TMEM177: variants seen among roughly 807,000 people sequenced by gnomAD.
The protein encoded by TMEM177 is transmembrane protein 177.
TMEM177 carries 4 observed loss-of-function variants against 14.2 expected under a neutral mutation model. That is an observed-to-expected ratio of 0.28 (90% CI 0.14 to 0.64). The LOEUF (loss-of-function observed/expected upper bound fraction) is 0.64. TMEM177 is among the 30% of genes least tolerant of loss of function. The probability of loss-of-function intolerance (pLI) is 0.82; values close to 1 mark genes in which losing one functional copy is unlikely to be tolerated. For missense variants in TMEM177, 344 were observed against 405.2 expected, an observed-to-expected ratio of 0.85 and a Z score of 1.30; for synonymous variants, 179 against 174.5, an observed-to-expected ratio of 1.03 and a Z score of -0.20.
the TMEM177 span, among the ~76,000 whole-genome samples, chr2:119,696,365 C>T: frequency 7.1e-4 from 108 of 152,270 alleles, no homozygotes; most frequent in Non-Finnish European, 1.3e-3. Context: ...TCATTTGTCA[C>T]GGACCTCATG....
chr2:119,702,586 C>T, the TMEM177 span, among the ~76,000 whole-genome samples: 1 of 152,154 alleles, frequency 6.6e-6, no homozygotes, highest in African/African-American at 2.4e-5. Flanking sequence ...GTTACTACCA[C>T]TTTTTGATGG....
At chr2:119,708,552 T>G in the TMEM177 span, among the ~76,000 whole-genome samples, 2 of 152,108 alleles carry the variant, frequency 1.3e-5, no homozygotes, top group African/African-American at 4.8e-5. Context: ...CAAATCAAGA[T>G]TTAAACAAGG....
the TMEM177 span, among the ~76,000 whole-genome samples, chr2:119,701,794 A>T: frequency 6.6e-6 from 1 of 152,230 alleles, no homozygotes. Flanking sequence ...ATAATTTGGC[A>T]GATAGGAAGG....
At chr2:119,720,316 C>G in the TMEM177 span, among the ~76,000 whole-genome samples, 12 of 151,774 alleles carry the variant, frequency 7.9e-5, no homozygotes, top group South Asian at 8.3e-4. Flanking sequence ...CTCTTGTTAC[C>G]CAGGCTGGAG....
downstream of TMEM177, among the ~76,000 whole-genome samples, chr2:119,682,899 A>G (rs1688940135): frequency 6.6e-6 from 1 of 152,166 alleles, no homozygotes; most frequent in African/African-American, 2.4e-5. Flanking sequence ...GGGAGACTGC[A>G]GCCCTGCCCT....
chr2:119,722,759 G>A, the TMEM177 span, among the ~76,000 whole-genome samples: 1 of 152,228 alleles, frequency 6.6e-6, no homozygotes, highest in Admixed American at 6.5e-5. Flanking sequence ...CTGAGTTCCT[G>A]GGGGGTGAGT....
chr2:119,721,880 T>C, the TMEM177 span, among the ~76,000 whole-genome samples: 1 of 152,348 alleles, frequency 6.6e-6, no homozygotes, highest in Non-Finnish European at 1.5e-5. Flanking sequence ...TATGTCATCC[T>C]AGACCTAAGA....
chr2:119,708,644 G>GACACACACACACACACACACACAC, the TMEM177 span, among the ~76,000 whole-genome samples: 1 of 146,734 alleles, frequency 6.8e-6, no homozygotes, highest in African/African-American at 2.5e-5. Flanking sequence ...ATCACACGCA[G>GACACACACACACACACACACACAC]ACACACACAC....
the TMEM177 span, among the ~76,000 whole-genome samples, chr2:119,713,840 G>A: frequency 6.6e-6 from 1 of 152,150 alleles, no homozygotes; most frequent in Non-Finnish European, 1.5e-5. Context: ...TCTCCAAAAA[G>A]CAAAACAAAA....
At position 119,681,689 on chromosome 2, in the gene TMEM177, T is replaced by C. The variant is rs960690039; in HGVS notation, c.836T>C (p.Val279Ala). The change falls in exon 2 of 2, where the codon GTC (valine) becomes GCC (alanine). Residue 279 changes from valine (V) to alanine (A), a missense_variant. Val to Ala is a moderately conservative substitution (Grantham distance 64). Transcript: ENST00000272521. ...EKLYTPSGNI[V>A]PRHLFRIKHL... is the part of the protein sequence containing the mutation. ...CTGTATACACCCAGCGGGAACATCG[T>C]CCCCAGACACTTGTTCCGAATCAAA... 3 of 1,614,036 alleles carry C rather than the reference T, an allele frequency of 1.9e-6. No individual in the cohort carries two copies. The highest frequency in any genetic ancestry group is 2.5e-6 in the Non-Finnish European group (3 of 1,180,020).
At chr2:119,697,417 C>T in the TMEM177 span, among the ~76,000 whole-genome samples, 2 of 152,180 alleles carry the variant, frequency 1.3e-5, no homozygotes, top group South Asian at 2.1e-4. Flanking sequence ...AAAAATTACC[C>T]GGGCTTGGTG....
downstream of TMEM177, among the ~76,000 whole-genome samples, chr2:119,689,313 A>G (rs1340567272): frequency 6.6e-6 from 1 of 152,138 alleles, no homozygotes; most frequent in African/African-American, 2.4e-5. Flanking sequence ...GAGACTGACA[A>G]GTACACCTGC....
At chr2:119,700,938 C>G in the TMEM177 span, among the ~76,000 whole-genome samples, 1 of 152,210 alleles carries the variant, frequency 6.6e-6, no homozygotes, top group Non-Finnish European at 1.5e-5. Context: ...TGCTGGCAAC[C>G]GCGATCACAG....
the TMEM177 span, among the ~76,000 whole-genome samples, chr2:119,714,999 C>T: frequency 6.6e-6 from 1 of 152,214 alleles, no homozygotes; most frequent in East Asian, 1.9e-4. Flanking sequence ...CTACCTGCTA[C>T]AAGTGCTAGG....
chr2:119,704,710 A>G, the TMEM177 span, among the ~76,000 whole-genome samples: 1 of 152,272 alleles, frequency 6.6e-6, no homozygotes, highest in African/African-American at 2.4e-5. Context: ...ACATGAGCTC[A>G]GATGACCTGG....
the TMEM177 span, among the ~76,000 whole-genome samples, chr2:119,709,711 G>A: frequency 6.6e-6 from 1 of 151,126 alleles, no homozygotes; most frequent in Non-Finnish European, 1.5e-5. Context: ...TGTAGTCCCA[G>A]CTACTTGGGA....
At chr2:119,722,478 A>G in the TMEM177 span, among the ~76,000 whole-genome samples, 1 of 152,208 alleles carries the variant, frequency 6.6e-6, no homozygotes, top group South Asian at 2.1e-4. Context: ...CACCATATAT[A>G]AGAGAGAATG....
chr2:119,686,172 T>C (rs1574272290), downstream of TMEM177: 1 of 156,592 alleles, frequency 6.4e-6, no homozygotes, highest in East Asian at 1.9e-4. Flanking sequence ...GTCTGTAAAA[T>C]GGGTGCATTC....
chr2:119,709,617 T>C, the TMEM177 span, among the ~76,000 whole-genome samples: 125,787 of 152,124 alleles, frequency 0.83, 52,115 homozygotes, highest in East Asian at 0.9. Flanking sequence ...GTCAGGAGAT[T>C]GAGACCATCC....
Sources: gnomAD v4.1 joint callset for allele counts (sites outside exome capture counted in the v4.1 genomes callset) on GRCh38, gnomAD v4.1.1 for gene constraint, MANE v1.5 for transcripts, NCBI Gene and HGNC (gene_info 2026-07-23, HGNC 2026-07-21) for gene names.